Variants in PRKCE observed in about 807,000 individuals in gnomAD.
PRKCE encodes protein kinase C epsilon type.
A neutral mutation model predicts 85.4 loss-of-function variants in PRKCE; 16 were observed. That is an observed-to-expected ratio of 0.19 (90% CI 0.13 to 0.28). The LOEUF is 0.28. Ranked by LOEUF, PRKCE falls within the 10% of genes least tolerant of loss-of-function variation. The probability of loss-of-function intolerance (pLI) is 1.00; values close to 1 mark genes in which losing one functional copy is unlikely to be tolerated. For synonymous variants in PRKCE, 388 were observed against 371.5 expected (o/e 1.04, Z -0.51); for missense variants, 573 against 975.2 (o/e 0.59, Z 5.49).
At chr2:45,738,900 A>G (rs564609145) in intron 1 of PRKCE, among the ~76,000 whole-genome samples, 1 of 152,370 alleles carries the variant, frequency 6.6e-6, no homozygotes, top group South Asian at 2.1e-4. Flanking sequence ...GATCTTCACC[A>G]CACTTCAAAG....
intron 10 of PRKCE, among the ~76,000 whole-genome samples, chr2:46,067,266 T>C (rs920585349): frequency 6.6e-6 from 1 of 152,224 alleles, no homozygotes; most frequent in Non-Finnish European, 1.5e-5. Flanking sequence ...ATGAATGACG[T>C]GCATTATATA....
chr2:46,171,024 G>T (rs895258077), intron 14 of PRKCE, among the ~76,000 whole-genome samples: 4 of 152,158 alleles, frequency 2.6e-5, no homozygotes, highest in Non-Finnish European at 4.4e-5. Context: ...AATGAAAAAG[G>T]TCCCCCAGTT....
intron 6 of PRKCE, among the ~76,000 whole-genome samples, chr2:45,998,451 G>A (rs753785220): frequency 6.6e-6 from 1 of 152,150 alleles, no homozygotes; most frequent in Non-Finnish European, 1.5e-5. Flanking sequence ...AGTCTGCTGG[G>A]TCTGAAATTA....
intron 1 of PRKCE, among the ~76,000 whole-genome samples, chr2:45,747,077 C>T (rs1683198057): frequency 1.3e-5 from 2 of 152,172 alleles, no homozygotes; most frequent in Admixed American, 6.5e-5. Flanking sequence ...TGCGTGCGCT[C>T]ATCTCATTTT....
chr2:45,692,885 G>T (rs1677851402), intron 1 of PRKCE, among the ~76,000 whole-genome samples: 2 of 152,234 alleles, frequency 1.3e-5, no homozygotes. Context: ...TTGTAGAGAA[G>T]TGAGCCGTGC....
intron 2 of PRKCE, among the ~76,000 whole-genome samples, chr2:45,864,780 G>T (rs1043636322): frequency 6.6e-6 from 1 of 152,194 alleles, no homozygotes; most frequent in Non-Finnish European, 1.5e-5. Flanking sequence ...TTTTGAGGTA[G>T]AGTACTTGCT....
chr2:45,994,388 T>C (rs900271794), intron 6 of PRKCE, among the ~76,000 whole-genome samples: 1 of 152,202 alleles, frequency 6.6e-6, no homozygotes, highest in Non-Finnish European at 1.5e-5. Flanking sequence ...TCTACCATTA[T>C]AGTATCTTAC....
chr2:45,881,268 T>C (rs1307975672), intron 2 of PRKCE, among the ~76,000 whole-genome samples: 1 of 152,010 alleles, frequency 6.6e-6, no homozygotes, highest in South Asian at 2.1e-4. Flanking sequence ...AGCAGAGCCA[T>C]GAAATTAAGG....
chr2:46,102,043 C>T (rs568872329), intron 11 of PRKCE, among the ~76,000 whole-genome samples: 9 of 151,926 alleles, frequency 5.9e-5, no homozygotes, highest in South Asian at 2.1e-4. Flanking sequence ...CAGGTCCCGG[C>T]GGGAAAGGTG....
intron 2 of PRKCE, among the ~76,000 whole-genome samples, chr2:45,934,087 C>T (rs1188736154): frequency 6.6e-6 from 1 of 152,140 alleles, no homozygotes; most frequent in East Asian, 1.9e-4. Context: ...ACCGACTTGC[C>T]AAATTAACTC....
At chr2:45,799,556 C>A (rs1687697374) in intron 1 of PRKCE, among the ~76,000 whole-genome samples, 1 of 152,006 alleles carries the variant, frequency 6.6e-6, no homozygotes, top group African/African-American at 2.4e-5. Context: ...GTAGCAAGAC[C>A]CTGTCTCTAA....
chr2:45,754,182 G>A (rs909911787), intron 1 of PRKCE, among the ~76,000 whole-genome samples: 7 of 152,238 alleles, frequency 4.6e-5, no homozygotes, highest in African/African-American at 1.7e-4. Context: ...TTGAGGTAGG[G>A]TCTGTGAATA....
In PRKCE at chr2:46,152,425, G is replaced by A. The variant is rs61759992; in HGVS notation, c.1920+1196G>A. Among the ~76,000 whole-genome samples the A allele has an allele frequency of 2.5e-3, 375 of 151,612 alleles. 3 individuals are homozygous for A. The highest frequency in any genetic ancestry group is 8.6e-3 in the African/African-American group (357 of 41,310). ...TTGAACTCTTGACCTCAGGTGATCC[G>A]CCCACCTCAGCCTCCCAAAGTGCTG... On this transcript the variant is annotated intron_variant, in intron 13 of 14. Transcript: ENST00000306156.
At chr2:46,132,425 G>T (rs930807684) in intron 11 of PRKCE, among the ~76,000 whole-genome samples, 3 of 152,092 alleles carry the variant, frequency 2.0e-5, no homozygotes, top group Non-Finnish European at 4.4e-5. Flanking sequence ...CTATCCTCCT[G>T]CCTCCCTCCA....
intron 2 of PRKCE, among the ~76,000 whole-genome samples, chr2:45,926,548 T>A (rs1348422733): frequency 6.6e-6 from 1 of 152,222 alleles, no homozygotes; most frequent in East Asian, 1.9e-4. Flanking sequence ...CAGGTCATCT[T>A]ATTTGATCCT....
At chr2:45,661,296 T>C (rs113073215) in intron 1 of PRKCE, among the ~76,000 whole-genome samples, 2,204 of 147,428 alleles carry the variant, frequency 0.015, 58 homozygotes, top group African/African-American at 0.053. Flanking sequence ...GATTCTCCTG[T>C]CTCAGCCTCC....
intron 10 of PRKCE, among the ~76,000 whole-genome samples, chr2:46,073,257 G>A (rs953643607): frequency 6.6e-6 from 1 of 152,186 alleles, no homozygotes; most frequent in Non-Finnish European, 1.5e-5. Context: ...GAGGATTGGA[G>A]TTACTAGAGG....
chr2:46,157,607 G>A (rs1339748067), intron 13 of PRKCE, among the ~76,000 whole-genome samples: 4 of 152,156 alleles, frequency 2.6e-5, no homozygotes, highest in South Asian at 2.1e-4. Context: ...GTTAGAAGTC[G>A]TGCCTAACCG....
At position 46,146,213 on chromosome 2, in the gene PRKCE, G is replaced by C. The variant is rs539450275; in HGVS notation, c.1731+982G>C. On this transcript the variant is annotated intron_variant, in intron 12 of 14. Coordinates refer to ENST00000306156, the MANE Select transcript of PRKCE (RefSeq NM_005400.3). The stretch of plus-strand genomic sequence containing the variant: ...GTGATGTGATTCAGATTTAAGACAT[G>C]GCCTGTCATAGACAATCAAAATGAT... 7.9e-5 allele frequency among the ~76,000 whole-genome samples: 12 copies of C among 152,350 alleles called. No homozygotes were observed. In the South Asian group the frequency reaches 1.7e-3, roughly 21 times the overall value.
Sources: allele counts gnomAD v4.1 joint callset (sites outside exome capture counted in the v4.1 genomes callset), GRCh38; gene constraint gnomAD v4.1.1; transcripts MANE v1.5; gene names NCBI Gene and HGNC (gene_info 2026-07-23, HGNC 2026-07-21).